Variants in ARAP2 observed in about 807,000 individuals in gnomAD.
ARAP2 encodes ArfGAP with RhoGAP domain, ankyrin repeat and PH domain 2.
Under a neutral mutation model 194.5 loss-of-function variants are expected in ARAP2, and 148 were observed. That is an observed-to-expected ratio of 0.76 (90% CI 0.67 to 0.87). ARAP2 has a LOEUF of 0.87. ARAP2 is among the 40% of genes least tolerant of loss of function. The pLI is 0.00. For synonymous variants in ARAP2, 695 were observed against 683.5 expected, an observed-to-expected ratio of 1.02 and a Z score of -0.26; for missense variants, 2,128 against 1,989.7, an observed-to-expected ratio of 1.07 and a Z score of -1.32.
At chr4:36,104,457 A>G (rs1218510460) in intron 27 of ARAP2, among the ~76,000 whole-genome samples, 2 of 151,978 alleles carry the variant, frequency 1.3e-5, no homozygotes, top group Non-Finnish European at 2.9e-5. Context: ...TGGAGTAGGT[A>G]GTCGTTGTGA....
At chr4:36,158,887 G>A in intron 14 of ARAP2, 23 bp from the exon 15 acceptor site, 1 of 1,564,534 alleles carries the variant, frequency 6.4e-7, no homozygotes, top group South Asian at 1.2e-5. Context: ...AAGAAATAAG[G>A]CACAAGAAAT....
chr4:36,022,282 G>A (rs1717093556), intron 5 of ARAP2, among the ~76,000 whole-genome samples: 1 of 152,112 alleles, frequency 6.6e-6, no homozygotes, highest in South Asian at 2.1e-4. Flanking sequence ...CTACACTTAT[G>A]TTTAAGGATC....
At chr4:36,205,336 A>C (rs976628030) in intron 6 of ARAP2, among the ~76,000 whole-genome samples, 10 of 152,166 alleles carry the variant, frequency 6.6e-5, no homozygotes, top group African/African-American at 2.4e-4. Context: ...AAGACATATA[A>C]AACAAATGCT....
Position 36,159,315 on chromosome 4 carries a change from A to C in ARAP2, c.2617+16T>G. The C allele has an allele frequency of 6.3e-7, 1 of 1,580,544 alleles. No homozygotes were observed. The highest frequency in any genetic ancestry group is 2.3e-5 in the East Asian group (1 of 43,862). On this transcript the variant is annotated intron_variant, in intron 14 of 32. Transcript: ENST00000303965. The stretch of plus-strand genomic sequence containing the variant: ...CTATCAGAAGAGACCAGGTTAATGA[A>C]GAGACAGTGACGAACCTGAGAATTT...
intron 9 of ARAP2, among the ~76,000 whole-genome samples, chr4:36,175,458 A>G (rs1324191820): frequency 6.6e-6 from 1 of 152,166 alleles, no homozygotes; most frequent in East Asian, 1.9e-4. Context: ...GCGAAAATAC[A>G]TGAAAACGGA....
At chr4:36,011,370 G>A (rs912073935) in intron 9 of ARAP2, among the ~76,000 whole-genome samples, 19 of 152,062 alleles carry the variant, frequency 1.2e-4, no homozygotes, top group African/African-American at 4.1e-4. Context: ...TGTAAAATAT[G>A]TTTCATAAAA....
Position 36,202,071 on chromosome 4 carries a change from T to C in ARAP2, c.1487+8319A>G, listed in dbSNP as rs114077320. 3.7e-3 allele frequency among the ~76,000 whole-genome samples: 558 copies of C among 152,326 alleles called. 7 individuals are homozygous for C. Among genetic ancestry groups the C allele is most frequent in the African/African-American group, 0.013 (535 of 41,588 alleles). ...CCATGCTGTTCCAGATTCATCTGCC[T>C]TGTTTACATAGCCCTAAAGAATCAC... On this transcript the variant is annotated intron_variant, in intron 6 of 32. Transcript: ENST00000303965.
intron 25 of ARAP2, among the ~76,000 whole-genome samples, chr4:36,116,287 G>A (rs1472456499): frequency 6.6e-6 from 1 of 151,738 alleles, no homozygotes; most frequent in African/African-American, 2.4e-5. Context: ...CTAATGTTGT[G>A]ACTGTTTAAT....
At chr4:36,099,011 C>A (rs762869918) in intron 27 of ARAP2, among the ~76,000 whole-genome samples, 3 of 151,842 alleles carry the variant, frequency 2.0e-5, no homozygotes, top group African/African-American at 7.3e-5. Context: ...AATGTAAGTA[C>A]CCATTAGCTG....
intron 19 of ARAP2, among the ~76,000 whole-genome samples, chr4:36,139,277 T>C (rs1267235433): frequency 6.6e-6 from 1 of 151,632 alleles, no homozygotes; most frequent in Non-Finnish European, 1.5e-5. Flanking sequence ...AGAGAATTTT[T>C]TGATTATATC....
rs577846450 is a variant in ARAP2 at position 36,210,428 on chromosome 4, C to G, written c.1449G>C (p.Lys483Asn). The G allele has an allele frequency of 1.7e-5, 28 of 1,613,314 alleles. No individual in the cohort carries two copies. In the South Asian group the frequency reaches 3.1e-4, roughly 18 times the overall value. Residue 483 changes from lysine (K) to asparagine (N), a missense_variant, in exon 6 of 33, where the codon AAG (lysine) becomes AAC (asparagine). Lys to Asn is a moderately conservative substitution (Grantham distance 94, BLOSUM62 0). Transcript: ENST00000303965. ...GTTTATCCAGCCATCCTGATTTAAC[C>G]TTCTTTGCAGATGCTCCATAAAAGC... ...YACFYGASAK[K>N]VKSGWLDKLS...
chr4:36,018,889 G>T (rs988484503), intron 6 of ARAP2, among the ~76,000 whole-genome samples: 3 of 152,008 alleles, frequency 2.0e-5, no homozygotes, highest in African/African-American at 7.3e-5. Flanking sequence ...AGGTAGATAG[G>T]GTTGAATCTT....
In ARAP2 at chr4:36,132,829, C is replaced by G. The variant is rs926692460; in HGVS notation, c.3427+397G>C. ...TTTGACATATTGTTCCACAGTTCAT[C>G]ACTTCTAAAAACATGCTTAGATGTG... On this transcript the variant is annotated intron_variant, in intron 20 of 32. Coordinates refer to ENST00000303965, the MANE Select transcript of ARAP2 (RefSeq NM_015230.4). Among the ~76,000 whole-genome samples, 3 of 151,782 alleles carry G rather than the reference C, an allele frequency of 2.0e-5. No individual in the cohort carries two copies. In the Admixed American group the frequency reaches 2.0e-4, roughly 10 times the overall value.
At position 36,213,293 on chromosome 4, in the gene ARAP2, T is replaced by C. The variant is rs1396186128; in HGVS notation, c.991A>G (p.Ile331Val). 1.2e-6 allele frequency: 2 copies of C among 1,608,384 alleles called. No individual in the cohort carries two copies. Among genetic ancestry groups the C allele is most frequent in the African/African-American group, 1.3e-5 (1 of 74,860 alleles). The part of the protein sequence containing the change: ...QNSNEENSSS[I>V]FPYGETFLFQ... ...AGAAAGGTCTCTCCATAAGGAAAGA[T>C]GGAAGATGAATTCTCCTCATTTGAA... The change falls in exon 4 of 33, where the codon ATC becomes GTC. Residue 331 changes from isoleucine to valine, a missense_variant. By Grantham distance (29) the Ile-to-Val change is conservative (BLOSUM62 3). Transcript: ENST00000303965.
chr4:36,052,761 C>A (rs959467440), intron 2 of ARAP2, among the ~76,000 whole-genome samples: 7 of 152,160 alleles, frequency 4.6e-5, no homozygotes. Context: ...TCAGGAGATC[C>A]AGACCATCGT....
intron 6 of ARAP2, among the ~76,000 whole-genome samples, chr4:36,208,033 A>C (rs1274545979): frequency 6.6e-6 from 1 of 152,232 alleles, no homozygotes. Context: ...ACAGCACAAG[A>C]AAAGCAATGC....
chr4:36,217,907 T>C (rs1027103979), intron 2 of ARAP2, among the ~76,000 whole-genome samples: 4 of 151,406 alleles, frequency 2.6e-5, no homozygotes, highest in Admixed American at 2.0e-4. Context: ...ATACCCCCTA[T>C]ATGAATCTGT....
rs76316880 is a variant in ARAP2, at chr4:36,218,392, A to T, written c.906-3912T>A. On this transcript the variant is annotated intron_variant, in intron 2 of 32. Transcript: ENST00000303965. ...TACTAGGCTTAGCACCTGTGACACAAGTTTACTTATATAACAACCCAGCAC... is the reference window on the plus strand; with the variant it reads ...TACTAGGCTTAGCACCTGTGACACATGTTTACTTATATAACAACCCAGCAC... 8.5e-5 allele frequency among the ~76,000 whole-genome samples: 13 copies of T among 152,308 alleles called. No homozygotes were observed. In the East Asian group the frequency reaches 2.3e-3, roughly 27 times the overall value.
chr4:36,087,858 G>A (rs950443307), intron 28 of ARAP2, among the ~76,000 whole-genome samples: 6 of 152,072 alleles, frequency 3.9e-5, no homozygotes, highest in African/African-American at 1.2e-4. Context: ...GGAGTCTAAT[G>A]CCTGGAAATG....
Sources: allele counts gnomAD v4.1 joint callset (sites outside exome capture counted in the v4.1 genomes callset), GRCh38; gene constraint gnomAD v4.1.1; transcripts MANE v1.5; gene names NCBI Gene and HGNC (gene_info 2026-07-23, HGNC 2026-07-21).